Variants in PLEKHH2 observed in about 807,000 individuals in gnomAD.
PLEKHH2 encodes the protein pleckstrin homology domain-containing family H member 2.
PLEKHH2 carries 129 observed loss-of-function variants against 187.9 expected under a neutral mutation model. That is an observed-to-expected ratio of 0.69 (90% CI 0.59 to 0.79). The LOEUF is 0.79. Ranked by LOEUF, PLEKHH2 falls within the 30% of genes least tolerant of loss-of-function variation. The pLI is 0.00. For missense variants in PLEKHH2, 2,076 were observed against 1,751.2 expected (o/e 1.19, Z -3.31); for synonymous variants, 686 against 605.6 (o/e 1.13, Z -1.95).
intron 3 of PLEKHH2, among the ~76,000 whole-genome samples, chr2:43,686,356 C>A (rs751996261): frequency 6.6e-6 from 1 of 152,164 alleles, no homozygotes; most frequent in African/African-American, 2.4e-5. Context: ...GCCACCACAC[C>A]TGGCTAATTT....
At chr2:43,733,132 G>A (rs1400525665) in intron 19 of PLEKHH2, among the ~76,000 whole-genome samples, 4 of 152,138 alleles carry the variant, frequency 2.6e-5, no homozygotes, top group African/African-American at 9.7e-5. Context: ...GAAGGCCGAG[G>A]CGGGCAGATC....
At chr2:43,656,869 A>G (rs2104366969) in intron 2 of PLEKHH2, among the ~76,000 whole-genome samples, 1 of 152,292 alleles carries the variant, frequency 6.6e-6, no homozygotes, top group South Asian at 2.1e-4. Context: ...AATACAAAAA[A>G]TTAGCCAGGC....
At chr2:43,669,624 A>G (rs1289575138) in intron 2 of PLEKHH2, among the ~76,000 whole-genome samples, 2 of 152,234 alleles carry the variant, frequency 1.3e-5, no homozygotes, top group African/African-American at 4.8e-5. Context: ...ATATTTTATA[A>G]ACTAAGACTA....
At chr2:43,763,295 C>T (rs1672499533) in intron 28 of PLEKHH2, among the ~76,000 whole-genome samples, 1 of 152,202 alleles carries the variant, frequency 6.6e-6, no homozygotes, top group Non-Finnish European at 1.5e-5. Flanking sequence ...CCAGGAAGCA[C>T]ACACAGGTGG....
chr2:43,679,518 C>T (rs773063659), intron 3 of PLEKHH2: 31 of 280,462 alleles, frequency 1.1e-4, no homozygotes, highest in Admixed American at 3.2e-4. Context: ...TTTTTTGAGA[C>T]GGAATCTTGC....
Position 43,757,269 on chromosome 2 carries a change from G to T in PLEKHH2, c.3941+5G>T. 1 of 1,545,566 alleles carries T rather than the reference G, an allele frequency of 6.5e-7. No individual in the cohort carries two copies. Among genetic ancestry groups the T allele is most frequent in the South Asian group, 1.3e-5 (1 of 78,140 alleles). ...CTGTTCTGAAGAGCAGTTAAGGTAA[G>T]GAAATCTTTGTAACTCTTTATAGGG... On this transcript the variant is annotated splice_donor_5th_base_variant and intron_variant, in intron 26 of 29. Coordinates refer to ENST00000282406, the MANE Select transcript of PLEKHH2 (RefSeq NM_172069.4).
At position 43,767,557 on chromosome 2, in the gene PLEKHH2, G is replaced by C. The variant is rs1273288288; in HGVS notation, c.*1959G>C. 6.6e-6 allele frequency: 1 copy of C among 152,344 alleles called. No individual in the cohort carries two copies. The highest frequency in any genetic ancestry group is 6.5e-5 in the Admixed American group (1 of 15,272). 9.4% of individuals were successfully genotyped at this position (152,344 alleles called of 1,614,324 possible). ...TGACTCTCAGAAGCCTTTTGGCTGG[G>C]TTACAGAAGAGTTTCTAAGTTCCTA... is the stretch of plus-strand genomic sequence containing the variant. On this transcript the variant is annotated 3_prime_UTR_variant, in exon 30 of 30. Coordinates refer to ENST00000282406, the MANE Select transcript of PLEKHH2 (RefSeq NM_172069.4).
intron 3 of PLEKHH2, among the ~76,000 whole-genome samples, chr2:43,687,354 C>G (rs1207919632): frequency 6.6e-6 from 1 of 152,118 alleles, no homozygotes; most frequent in African/African-American, 2.4e-5. Context: ...TGTAGTGTTC[C>G]CTGGTGTGTA....
At chr2:43,736,125 A>G (rs922094735) in intron 19 of PLEKHH2, among the ~76,000 whole-genome samples, 28 of 152,194 alleles carry the variant, frequency 1.8e-4, no homozygotes, top group African/African-American at 6.5e-4. Flanking sequence ...AAATGAAAAT[A>G]TTTACAGATG....
rs138148092 is a variant in PLEKHH2 at position 43,765,313 on chromosome 2, G to A, written c.4297-100G>A. On this transcript the variant is annotated intron_variant, in intron 29 of 29. Transcript: ENST00000282406. ...AGAGAAGGGAATTCTGGTAGCCTGGGCACTTGCAAATGGAGCTCACCTGTG... is the reference window on the plus strand; with the variant it reads ...AGAGAAGGGAATTCTGGTAGCCTGGACACTTGCAAATGGAGCTCACCTGTG... The A allele has an allele frequency of 5.9e-4, 642 of 1,088,492 alleles. 2 individuals are homozygous for A. The African/African-American group carries it at 9.3e-3, about 16-fold the overall frequency. The allele number at this position is 1,088,492 out of a possible 1,614,324, so 67.4% of individuals were successfully genotyped here.
At chr2:43,754,619 T>C (rs1278945432) in intron 25 of PLEKHH2, among the ~76,000 whole-genome samples, 1 of 152,146 alleles carries the variant, frequency 6.6e-6, no homozygotes. Context: ...GGTCATAAGA[T>C]GCAACCCATA....
At chr2:43,687,653 A>G (rs1420864079) in intron 3 of PLEKHH2, among the ~76,000 whole-genome samples, 1 of 151,972 alleles carries the variant, frequency 6.6e-6, no homozygotes, top group East Asian at 1.9e-4. Context: ...AGCATCTGTT[A>G]TTTTTTACTT....
intron 26 of PLEKHH2, among the ~76,000 whole-genome samples, chr2:43,758,518 G>A (rs551858144): frequency 6.6e-6 from 1 of 152,310 alleles, no homozygotes; most frequent in East Asian, 1.9e-4. Flanking sequence ...CTCCCAACGT[G>A]CTGGGATTAC....
chr2:43,691,999 T>C (rs1668821042), intron 3 of PLEKHH2, among the ~76,000 whole-genome samples: 1 of 152,180 alleles, frequency 6.6e-6, no homozygotes, highest in South Asian at 2.1e-4. Flanking sequence ...CTCTAATACA[T>C]TTTTATTTTT....
At chr2:43,646,973 T>C (rs1394892126) in intron 2 of PLEKHH2, among the ~76,000 whole-genome samples, 1 of 152,036 alleles carries the variant, frequency 6.6e-6, no homozygotes, top group African/African-American at 2.4e-5. Context: ...AACACAAAAA[T>C]ATGAATAAGG....
intron 20 of PLEKHH2, among the ~76,000 whole-genome samples, chr2:43,740,012 A>T (rs1671487142): frequency 1.3e-5 from 2 of 152,170 alleles, no homozygotes; most frequent in African/African-American, 4.8e-5. Flanking sequence ...CTCCTACTAG[A>T]CTGTAGGTTC....
chr2:43,753,468 A>T, intron 24 of PLEKHH2, 151 bp from the exon 25 acceptor site: 1 of 532,082 alleles, frequency 1.9e-6, no homozygotes, highest in East Asian at 3.5e-5. Flanking sequence ...TAAATAGAAC[A>T]GAAACAGAAG....
At chr2:43,752,037 T>C (rs926971114) in intron 24 of PLEKHH2, among the ~76,000 whole-genome samples, 63 of 152,112 alleles carry the variant, frequency 4.1e-4, no homozygotes, top group African/African-American at 1.3e-3. Flanking sequence ...TGTAACCATT[T>C]GGTTCTTTTT....
At chr2:43,759,451 TG>T (rs2104625630) in intron 27 of PLEKHH2, among the ~76,000 whole-genome samples, 1 of 152,342 alleles carries the variant, frequency 6.6e-6, no homozygotes, top group Admixed American at 6.5e-5. Flanking sequence ...TATTTTACTT[TG>T]TAACAACAGG....
Sources: allele counts gnomAD v4.1 joint callset (sites outside exome capture counted in the v4.1 genomes callset), GRCh38; gene constraint gnomAD v4.1.1; transcripts MANE v1.5; gene names NCBI Gene and HGNC (gene_info 2026-07-23, HGNC 2026-07-21).